Variants in SLCO1B3 observed in about 807,000 individuals in gnomAD.
SLCO1B3 encodes solute carrier organic anion transporter family member 1B3.
A neutral mutation model predicts 71.8 loss-of-function variants in SLCO1B3; 72 were observed. That is an observed-to-expected ratio of 1.00 (90% CI 0.83 to 1.22). The LOEUF (loss-of-function observed/expected upper bound fraction) is 1.22. Among genes scored for constraint, SLCO1B3 ranks in the 50% most tolerant of loss-of-function variants. The pLI, the probability that SLCO1B3 is intolerant of heterozygous loss-of-function variation, is 0.00. For missense variants in SLCO1B3, 911 were observed against 819.7 expected (o/e 1.11, Z -1.36); for synonymous variants, 298 against 278.4 (o/e 1.07, Z -0.70).
intron 8 of SLCO1B3, among the ~76,000 whole-genome samples, chr12:20,869,140 A>G (rs1405702288): frequency 6.6e-6 from 1 of 150,760 alleles, no homozygotes; most frequent in Non-Finnish European, 1.5e-5. Context: ...TCCCCCGGGG[A>G]AAGGGTGACT....
intron 3 of SLCO1B3, among the ~76,000 whole-genome samples, chr12:20,817,374 T>C (rs10841655): frequency 0.91 from 138,410 of 152,116 alleles, 63,693 homozygotes; most frequent in East Asian, 0.99. Context: ...CATTTTGATT[T>C]GTTTTTGTAT....
chr12:20,862,007 A>G (rs978508721), intron 6 of SLCO1B3, among the ~76,000 whole-genome samples: 2 of 152,166 alleles, frequency 1.3e-5, no homozygotes, highest in African/African-American at 4.8e-5. Context: ...CTATTATTCA[A>G]CACACTACTA....
intron 15 of SLCO1B3, among the ~76,000 whole-genome samples, chr12:20,909,371 C>T (rs375485300): frequency 4.8e-5 from 7 of 145,736 alleles, no homozygotes; most frequent in Admixed American, 1.4e-4. Context: ...GACAGGGTTT[C>T]GCCATGTTAG....
At chr12:20,820,388 C>G (rs939689526) in intron 3 of SLCO1B3, among the ~76,000 whole-genome samples, 1 of 152,132 alleles carries the variant, frequency 6.6e-6, no homozygotes, top group Non-Finnish European at 1.5e-5. Context: ...GGGTCCCACA[C>G]AGATGGGACA....
chr12:20,865,317 G>A (rs1402687899), intron 8 of SLCO1B3, among the ~76,000 whole-genome samples: 1 of 152,024 alleles, frequency 6.6e-6, no homozygotes, highest in Non-Finnish European at 1.5e-5. Flanking sequence ...TTTAAAACCA[G>A]ATCAGTCCAT....
At chr12:20,871,224 T>C (rs538943484) in intron 8 of SLCO1B3, among the ~76,000 whole-genome samples, 29 of 152,310 alleles carry the variant, frequency 1.9e-4, no homozygotes, top group Non-Finnish European at 3.8e-4. Flanking sequence ...TCCCTGCTCC[T>C]CCATTTTTTG....
chr12:20,842,979 C>T (rs1232245564), intron 3 of SLCO1B3, among the ~76,000 whole-genome samples: 1 of 152,132 alleles, frequency 6.6e-6, no homozygotes, highest in Non-Finnish European at 1.5e-5. Flanking sequence ...GGCCCTCTTC[C>T]TGCTGCTGTC....
intron 6 of SLCO1B3, among the ~76,000 whole-genome samples, chr12:20,861,490 T>C (rs1292174425): frequency 1.3e-5 from 2 of 152,108 alleles, no homozygotes; most frequent in African/African-American, 4.8e-5. Flanking sequence ...AACCTCCTAG[T>C]GTACAAATGG....
At chr12:20,872,035 A>G (rs1485100195) in intron 8 of SLCO1B3, among the ~76,000 whole-genome samples, 1 of 151,630 alleles carries the variant, frequency 6.6e-6, no homozygotes, top group Non-Finnish European at 1.5e-5. Flanking sequence ...GGAGCAAAAA[A>G]CCCTTGCAAT....
At chr12:20,886,736 A>C (rs1865799037) in intron 13 of SLCO1B3, among the ~76,000 whole-genome samples, 2 of 151,960 alleles carry the variant, frequency 1.3e-5, no homozygotes, top group South Asian at 4.2e-4. Flanking sequence ...ATTTTTATGG[A>C]TTTAGAGATA....
chr12:20,870,853 A>G (rs7137375), intron 8 of SLCO1B3, among the ~76,000 whole-genome samples: 110,012 of 152,088 alleles, frequency 0.72, 42,376 homozygotes, highest in South Asian at 0.88. Flanking sequence ...TTGAGTAGGT[A>G]TGTTCCTTCT....
chr12:20,899,601 C>T (rs192891129), intron 14 of SLCO1B3, among the ~76,000 whole-genome samples: 37 of 152,238 alleles, frequency 2.4e-4, no homozygotes, highest in African/African-American at 8.4e-4. Flanking sequence ...CCATCCTAAC[C>T]GTCCCTTTCT....
chr12:20,843,794 A>AG (rs59410583), intron 3 of SLCO1B3, among the ~76,000 whole-genome samples: 14 of 151,896 alleles, frequency 9.2e-5, no homozygotes, highest in Non-Finnish European at 2.1e-4. Context: ...AAAAAAAAAA[A>AG]GTACTATTAA....
chr12:20,861,143 GAATT>G lies in SLCO1B3; in HGVS notation c.481+9_481+12del. On this transcript the variant is annotated splice_donor_region_variant and intron_variant, in intron 6 of 15. Transcript: ENST00000381545. The stretch of plus-strand genomic sequence containing the variant: ...CACCTGAGATAGTAGAAAAAGGTAA[GAATT>G]AATAGTGACAGTAAAACAAATTCTA... 6.4e-7 allele frequency: 1 copy of G among 1,567,150 alleles called. No homozygotes were observed. The highest frequency in any genetic ancestry group is 1.2e-5 in the South Asian group (1 of 84,244).
intron 3 of SLCO1B3, among the ~76,000 whole-genome samples, chr12:20,819,819 A>G (rs1216939562): frequency 3.9e-5 from 6 of 152,096 alleles, no homozygotes; most frequent in Non-Finnish European, 7.4e-5. Context: ...ATGATCGGTC[A>G]CCAAGGAGGG....
In SLCO1B3 at chr12:20,856,934, A is replaced by C. The variant is rs1865151643; in HGVS notation, c.227-1505A>C. Among the ~76,000 whole-genome samples the C allele has an allele frequency of 2.0e-5, 3 of 151,136 alleles. No individual in the cohort carries two copies. The South Asian group carries it at 6.4e-4, about 32-fold the overall frequency. On this transcript the variant is annotated intron_variant, in intron 4 of 15. Transcript: ENST00000381545. Reference sequence around the variant, plus strand: ...GTCTACAGAGCATCTTAGAACCAATAACCAGTGGACACGAGGGATGACTGT... The same window carrying C: ...GTCTACAGAGCATCTTAGAACCAATCACCAGTGGACACGAGGGATGACTGT...
chr12:20,858,379 A>C lies in SLCO1B3; in HGVS notation c.227-60A>C, dbSNP rs149520180. 2,293 of 1,242,084 alleles carry C rather than the reference A, an allele frequency of 1.8e-3. 55 individuals are homozygous for C. The East Asian group carries it at 0.042, about 23-fold the overall frequency. The allele number at this position is 1,242,084 out of a possible 1,614,324, so 76.9% of individuals were successfully genotyped here. A position where few individuals can be genotyped will look rare whatever the true frequency, so the allele number is the denominator to read the frequency against. On this transcript the variant is annotated intron_variant, in intron 4 of 15. Transcript: ENST00000381545. Reference sequence around the variant, plus strand: ...ATATTTGCATTCATTTGGGGCATTCAGTTCTACTAGATACAAAATTACACT... The same window carrying C: ...ATATTTGCATTCATTTGGGGCATTCCGTTCTACTAGATACAAAATTACACT...
intron 8 of SLCO1B3, among the ~76,000 whole-genome samples, chr12:20,872,720 A>G (rs1171379729): frequency 2.0e-5 from 3 of 152,084 alleles, no homozygotes; most frequent in Non-Finnish European, 4.4e-5. Flanking sequence ...GGATGTGCCT[A>G]GAAATGTTGT....
intron 15 of SLCO1B3, 70 bp from the exon 16 acceptor site, chr12:20,915,934 G>C: frequency 4.1e-6 from 5 of 1,231,362 alleles, no homozygotes; most frequent in Non-Finnish European, 5.7e-6. Flanking sequence ...ATGCATACTG[G>C]GGAGAAAAAA....
Sources: allele counts gnomAD v4.1 joint callset (sites outside exome capture counted in the v4.1 genomes callset), GRCh38; gene constraint gnomAD v4.1.1; transcripts MANE v1.5; gene names NCBI Gene and HGNC (gene_info 2026-07-23, HGNC 2026-07-21).